The following ERBB4 variants were observed in gnomAD, a reference collection of about 807,000 sequenced individuals.
ERBB4 encodes the protein erb-b2 receptor tyrosine kinase 4.
ERBB4 carries 42 observed loss-of-function variants against 158.0 expected under a neutral mutation model. The ratio of observed to expected loss-of-function variants is 0.27; its 90% CI spans 0.21 to 0.34. The LOEUF (loss-of-function observed/expected upper bound fraction) is 0.34. Among genes scored for constraint, ERBB4 ranks in the 10% least tolerant of loss-of-function variants. The pLI is 1.00. For missense variants in ERBB4, 1,333 were observed against 1,624.1 expected, an observed-to-expected ratio of 0.82 and a Z score of 3.08; for synonymous variants, 583 against 558.7, an observed-to-expected ratio of 1.04 and a Z score of -0.61.
chr2:212,222,982 T>C (rs1336225227), intron 1 of ERBB4, among the ~76,000 whole-genome samples: 3 of 151,572 alleles, frequency 2.0e-5, no homozygotes, highest in African/African-American at 7.2e-5. Flanking sequence ...TTTAAACTCA[T>C]TAAGTGCCTC....
intron 25 of ERBB4, among the ~76,000 whole-genome samples, chr2:211,393,270 G>A (rs1042165276): frequency 6.6e-6 from 1 of 152,014 alleles, no homozygotes; most frequent in African/African-American, 2.4e-5. Flanking sequence ...CTATACCATG[G>A]ACTATTTTAG....
intron 3 of ERBB4, among the ~76,000 whole-genome samples, chr2:211,835,748 T>C (rs1461626740): frequency 6.6e-6 from 1 of 152,132 alleles, no homozygotes; most frequent in East Asian, 1.9e-4. Flanking sequence ...TTGGCTGAGA[T>C]GCATTTAATG....
At chr2:211,952,910 A>G (rs1008787769) in intron 2 of ERBB4, among the ~76,000 whole-genome samples, 2 of 152,108 alleles carry the variant, frequency 1.3e-5, no homozygotes, top group Admixed American at 1.3e-4. Context: ...TTACATAAGA[A>G]CTGTTGCTTT....
chr2:212,433,273 C>T (rs1225184365), intron 1 of ERBB4, among the ~76,000 whole-genome samples: 2 of 151,938 alleles, frequency 1.3e-5, no homozygotes, highest in African/African-American at 2.4e-5. Context: ...TTTCAGTTTA[C>T]ATCAATTATA....
chr2:211,829,479 C>T (rs1188013421), intron 3 of ERBB4, among the ~76,000 whole-genome samples: 4 of 152,064 alleles, frequency 2.6e-5, no homozygotes, highest in East Asian at 1.9e-4. Context: ...TTACTTTCTA[C>T]GTCATCACTC....
At chr2:212,368,502 C>T (rs566399567) in intron 1 of ERBB4, among the ~76,000 whole-genome samples, 11 of 151,942 alleles carry the variant, frequency 7.2e-5, no homozygotes, top group South Asian at 2.1e-4. Context: ...ATGGGTGCAA[C>T]GAAATCTCAC....
chr2:212,211,629 A>AAAAAAGC (rs148929858), intron 1 of ERBB4, among the ~76,000 whole-genome samples: 8 of 148,562 alleles, frequency 5.4e-5, no homozygotes, highest in African/African-American at 1.7e-4. Context: ...AAAAAAAAAA[A>AAAAAAGC]TGGATACATG....
chr2:212,095,353 C>A (rs531729120), intron 2 of ERBB4, among the ~76,000 whole-genome samples: 1 of 152,126 alleles, frequency 6.6e-6, no homozygotes, highest in African/African-American at 2.4e-5. Flanking sequence ...GGATCCATTT[C>A]TAAGGAATTC....
chr2:212,034,554 G>A (rs1408681935), intron 2 of ERBB4, among the ~76,000 whole-genome samples: 9 of 151,970 alleles, frequency 5.9e-5, no homozygotes, highest in Non-Finnish European at 1.5e-5. Context: ...ACTTCAGAAA[G>A]CTCCTAAGTG....
intron 1 of ERBB4, among the ~76,000 whole-genome samples, chr2:212,414,446 A>G (rs2091593008): frequency 1.3e-5 from 2 of 152,148 alleles, no homozygotes; most frequent in Non-Finnish European, 2.9e-5. Context: ...ACAATTTGAA[A>G]GGTGATCTTT....
At chr2:211,589,494 C>G (rs897892277) in intron 19 of ERBB4, among the ~76,000 whole-genome samples, 3 of 152,104 alleles carry the variant, frequency 2.0e-5, no homozygotes, top group Non-Finnish European at 4.4e-5. Flanking sequence ...ATTTGTAGCC[C>G]GAATGAGTAG....
chr2:211,706,900 C>G (rs2106058039), intron 9 of ERBB4, among the ~76,000 whole-genome samples: 1 of 152,234 alleles, frequency 6.6e-6, no homozygotes, highest in South Asian at 2.1e-4. Flanking sequence ...AATAACTATG[C>G]TTTTGATGAA....
intron 1 of ERBB4, among the ~76,000 whole-genome samples, chr2:212,318,547 GA>G (rs913552106): frequency 1.8e-4 from 27 of 150,876 alleles, no homozygotes; most frequent in African/African-American, 4.1e-4. Flanking sequence ...AAAAAAATCA[GA>G]AAAAAAAGAA....
chr2:212,487,829 G>A (rs945454519), intron 1 of ERBB4, among the ~76,000 whole-genome samples: 15 of 152,074 alleles, frequency 9.9e-5, no homozygotes, highest in Non-Finnish European at 1.9e-4. Context: ...TGTGGATACT[G>A]TTATTCCAGT....
intron 2 of ERBB4, among the ~76,000 whole-genome samples, chr2:211,988,564 C>T (rs544281165): frequency 3.9e-5 from 6 of 152,160 alleles, no homozygotes; most frequent in South Asian, 2.1e-4. Flanking sequence ...CATCTAGGCT[C>T]TCTCTGAGCT....
At chr2:211,912,598 T>C (rs545312077) in intron 3 of ERBB4, among the ~76,000 whole-genome samples, 1 of 152,324 alleles carries the variant, frequency 6.6e-6, no homozygotes, top group African/African-American at 2.4e-5. Context: ...CAGGTTTGTA[T>C]TGACAAAATT....
intron 3 of ERBB4, among the ~76,000 whole-genome samples, chr2:211,804,600 G>C (rs961582580): frequency 6.6e-6 from 1 of 152,052 alleles, no homozygotes; most frequent in Non-Finnish European, 1.5e-5. Context: ...CCAGAAGTTG[G>C]GTGCAGGGAA....
intron 1 of ERBB4, among the ~76,000 whole-genome samples, chr2:212,329,680 T>C (rs80038522): frequency 0.14 from 20,554 of 152,014 alleles, 1,510 homozygotes; most frequent in South Asian, 0.23. Flanking sequence ...ATGATAAAAG[T>C]GGGCAGCCAG....
intron 2 of ERBB4, among the ~76,000 whole-genome samples, chr2:212,112,478 G>T (rs184237947): frequency 6.6e-6 from 1 of 150,912 alleles, no homozygotes; most frequent in East Asian, 1.9e-4. Flanking sequence ...TCCCTTCCTT[G>T]TACTGATTTT....
Sources: allele counts gnomAD v4.1 joint callset (sites outside exome capture counted in the v4.1 genomes callset), GRCh38; gene constraint gnomAD v4.1.1; transcripts MANE v1.5; gene names NCBI Gene and HGNC (gene_info 2026-07-23, HGNC 2026-07-21).